UBASH3A: variants seen among roughly 807,000 people sequenced by gnomAD.
The protein encoded by UBASH3A is ubiquitin-associated and SH3 domain-containing protein A.
Under a neutral mutation model 73.5 loss-of-function variants are expected in UBASH3A, and 63 were observed. That is an observed-to-expected ratio of 0.86 (90% CI 0.70 to 1.06). The LOEUF (loss-of-function observed/expected upper bound fraction) is 1.06, where lower values mean the gene tolerates loss of function less well. Among genes scored for constraint, UBASH3A ranks in the 50% least tolerant of loss-of-function variants. The probability of loss-of-function intolerance (pLI) is 0.00; values close to 1 mark genes in which losing one functional copy is unlikely to be tolerated. For synonymous variants in UBASH3A, 363 were observed against 351.1 expected (o/e 1.03, Z -0.38); for missense variants, 860 against 859.0 (o/e 1.00, Z -0.02).
chr21:42,431,194 T>C (rs895488599), intron 8 of UBASH3A, among the ~76,000 whole-genome samples: 4 of 152,170 alleles, frequency 2.6e-5, no homozygotes, highest in Non-Finnish European at 5.9e-5. Context: ...TGATCAGCCC[T>C]GCACAGCATG....
At position 42,426,799 on chromosome 21, in the gene UBASH3A, T is replaced by C. The variant is rs1184616406; in HGVS notation, c.1149T>C (p.Leu383=). The change falls in exon 8 of 15, where the codon CTT becomes CTC. Residue 383 remains leucine, a synonymous_variant. Transcript: ENST00000319294. ...TTCTTCCACAAACGGCAAGGAGTCTTAGCAGCTTACAGGCCTTGCAGGTAA... is the reference window on the plus strand; with the variant it reads ...TTCTTCCACAAACGGCAAGGAGTCTCAGCAGCTTACAGGCCTTGCAGGTAA... ...GEFLPQTARS[L]SSLQALQATV... is the part of the protein sequence containing the mutation. The C allele has an allele frequency of 1.2e-6, 2 of 1,614,206 alleles. No homozygotes were observed. The highest frequency in any genetic ancestry group is 1.7e-5 in the Admixed American group (1 of 60,020).
At chr21:42,426,471 T>C (rs1182727860) in intron 7 of UBASH3A, among the ~76,000 whole-genome samples, 1 of 152,224 alleles carries the variant, frequency 6.6e-6, no homozygotes, top group East Asian at 1.9e-4. Flanking sequence ...CGTTGACATG[T>C]AAAATTACCC....
At position 42,443,369 on chromosome 21, in the gene UBASH3A, C is replaced by A; in HGVS notation, c.1689C>A (p.Asp563Glu). ...MPAESYQEYM[D>E]RCTASMVQIV... Reference sequence around the variant, plus strand: ...CCGAGAGCTACCAGGAGTACATGGACAGGTGCACGGCGAGCATGGTGCAAA... The same window carrying A: ...CCGAGAGCTACCAGGAGTACATGGAAAGGTGCACGGCGAGCATGGTGCAAA... The change falls in exon 13 of 15, where the codon GAC becomes GAA. Residue 563 changes from aspartate (D) to glutamate (E), a missense_variant. Asp to Glu is a conservative substitution (Grantham distance 45). Coordinates refer to ENST00000319294, the MANE Select transcript of UBASH3A (RefSeq NM_018961.4). The A allele has an allele frequency of 6.2e-7, 1 of 1,613,454 alleles. No individual in the cohort carries two copies. The highest frequency in any genetic ancestry group is 8.5e-7 in the Non-Finnish European group (1 of 1,179,692).
chr21:42,423,111 G>A (rs750227684), intron 7 of UBASH3A, among the ~76,000 whole-genome samples: 9 of 152,222 alleles, frequency 5.9e-5, no homozygotes, highest in Non-Finnish European at 1.3e-4. Context: ...GCTAGACAAA[G>A]CCAGGGCTGA....
At chr21:42,411,901 G>A (rs2053106148) in intron 3 of UBASH3A, among the ~76,000 whole-genome samples, 1 of 152,250 alleles carries the variant, frequency 6.6e-6, no homozygotes, top group African/African-American at 2.4e-5. Context: ...GTGCCGTTGA[G>A]GGTTGCAGAG....
chr21:42,443,534 C>A, intron 13 of UBASH3A, 116 bp downstream of exon 13: 1 of 842,100 alleles, frequency 1.2e-6, no homozygotes, highest in Non-Finnish European at 1.8e-6. Flanking sequence ...CCTGCCTGCC[C>A]CCGCCCCCAT....
chr21:42,423,571 GCT>G (rs1568923799), intron 7 of UBASH3A, among the ~76,000 whole-genome samples: 1 of 152,148 alleles, frequency 6.6e-6, no homozygotes. Flanking sequence ...CATGTCCTTC[GCT>G]CTCTGCCCGG....
rs530776449 is a variant in UBASH3A, at chr21:42,443,302, A to G, written c.1632-10A>G. Reference sequence around the variant, plus strand: ...GCCAGGGCAGCAGCCTCTCCTTCTCATCCTTCCAGGCCCGCGTTTCCCCTG... The same window carrying G: ...GCCAGGGCAGCAGCCTCTCCTTCTCGTCCTTCCAGGCCCGCGTTTCCCCTG... On this transcript the variant is annotated splice_polypyrimidine_tract_variant and intron_variant, in intron 12 of 14. Coordinates refer to ENST00000319294, the MANE Select transcript of UBASH3A (RefSeq NM_018961.4). 5.0e-6 allele frequency: 8 copies of G among 1,609,842 alleles called. No homozygotes were observed. The highest frequency in any genetic ancestry group is 2.7e-5 in the African/African-American group (2 of 74,848).
intron 14 of UBASH3A, among the ~76,000 whole-genome samples, chr21:42,446,662 T>C (rs2053848923): frequency 6.6e-6 from 1 of 152,232 alleles, no homozygotes; most frequent in Non-Finnish European, 1.5e-5. Context: ...TCTGTGTCTT[T>C]TTGTGATGCT....
At chr21:42,415,355 A>G (rs1171758303) in intron 5 of UBASH3A, among the ~76,000 whole-genome samples, 3 of 152,006 alleles carry the variant, frequency 2.0e-5, no homozygotes, top group African/African-American at 7.2e-5. Context: ...GCTCCCCACC[A>G]CCTACACACT....
At chr21:42,438,040 C>T (rs2053660073) in intron 11 of UBASH3A, among the ~76,000 whole-genome samples, 1 of 152,226 alleles carries the variant, frequency 6.6e-6, no homozygotes. Context: ...CCTTCTGCAG[C>T]TCCCATCTAC....
chr21:42,443,107 G>A, intron 12 of UBASH3A: 1 of 1,361,788 alleles, frequency 7.3e-7, no homozygotes, highest in Non-Finnish European at 9.4e-7. Context: ...CCCTCCTGGT[G>A]TTGAGTAAGA....
chr21:42,418,830 T>G (rs774874677), intron 7 of UBASH3A, among the ~76,000 whole-genome samples: 1 of 152,228 alleles, frequency 6.6e-6, no homozygotes, highest in Non-Finnish European at 1.5e-5. Context: ...TGCATTAGAG[T>G]AATTTGAGAT....
chr21:42,409,492 C>A lies in UBASH3A; in HGVS notation c.238C>A (p.Pro80Thr). ...CCAGGAGTATGCCCTTTTCCTCTGT[C>A]CAACGGGGCCCCTGCTGGAAAAACT... ...IPQEYALFLC[P>T]TGPLLEKLQE... is the part of the protein sequence containing the mutation. The change falls in exon 3 of 15, where the codon CCA becomes ACA. Residue 80 changes from proline to threonine, a missense_variant. Transcript: ENST00000319294. 1 of 1,614,128 alleles carries A rather than the reference C, an allele frequency of 6.2e-7. No homozygotes were observed. The highest frequency in any genetic ancestry group is 8.5e-7 in the Non-Finnish European group (1 of 1,180,016).
Position 42,410,036 on chromosome 21 carries a change from C to A in UBASH3A, c.354+428C>A. 10 of 700,910 alleles carry A rather than the reference C, an allele frequency of 1.4e-5. No individual in the cohort carries two copies. In the South Asian group the frequency reaches 1.5e-4, roughly 10 times the overall value. 43.4% of individuals were successfully genotyped at this position (700,910 alleles called of 1,614,324 possible). A position where few individuals can be genotyped will look rare whatever the true frequency, so the allele number is the denominator to read the frequency against. ...CACAGCCCCTAAAACAGAGTTTGTG[C>A]TTCCAAAATGTGTGGTAAGTCAACT... is the stretch of plus-strand genomic sequence containing the variant. On this transcript the variant is annotated intron_variant, in intron 3 of 14. Transcript: ENST00000319294.
chr21:42,411,370 C>A (rs551196794), intron 3 of UBASH3A, among the ~76,000 whole-genome samples: 1 of 151,998 alleles, frequency 6.6e-6, no homozygotes, highest in Non-Finnish European at 1.5e-5. Flanking sequence ...CAGAGACACA[C>A]ATTAGATAGA....
intron 1 of UBASH3A, among the ~76,000 whole-genome samples, chr21:42,405,726 C>A (rs1430780532): frequency 6.6e-6 from 1 of 152,178 alleles, no homozygotes; most frequent in Non-Finnish European, 1.5e-5. Flanking sequence ...AATGTACTTA[C>A]GTCCCGGGTT....
rs558134877 is a variant in UBASH3A, at chr21:42,441,962, T to A, written c.1487-490T>A. ...ATGTGAGTTGCAGGGAGTCAGAATA[T>A]TCCAGAAGATGGCTCCTTCCATTCT... On this transcript the variant is annotated intron_variant, in intron 11 of 14. Transcript: ENST00000319294. Among the ~76,000 whole-genome samples the A allele has an allele frequency of 1.2e-4, 18 of 152,330 alleles. No homozygotes were observed. In the South Asian group the frequency reaches 3.5e-3, roughly 30 times the overall value.
chr21:42,417,297 A>T (rs1254792123), intron 6 of UBASH3A, among the ~76,000 whole-genome samples: 3 of 151,624 alleles, frequency 2.0e-5, no homozygotes, highest in Middle Eastern at 3.2e-3. Context: ...GATGGCACGA[A>T]CCTGTAATCC....
Sources: gnomAD v4.1 joint callset for allele counts (sites outside exome capture counted in the v4.1 genomes callset) on GRCh38, gnomAD v4.1.1 for gene constraint, MANE v1.5 for transcripts, NCBI Gene and HGNC (gene_info 2026-07-23, HGNC 2026-07-21) for gene names.